Variants in LOC128462377 observed in about 807,000 individuals in gnomAD.
chr16:89,330,220 G>A, the LOC128462377 span, among the ~76,000 whole-genome samples: 1 of 152,066 alleles, frequency 6.6e-6, no homozygotes, highest in Non-Finnish European at 1.5e-5. Flanking sequence ...CTGTGTGTCC[G>A]GTCAGGGGCA....
chr16:89,375,369 G>A, the LOC128462377 span, among the ~76,000 whole-genome samples: 1 of 152,228 alleles, frequency 6.6e-6, no homozygotes, highest in East Asian at 1.9e-4. Flanking sequence ...TAAATGGATC[G>A]TTTGAGCCCG....
chr16:89,361,947 T>G, the LOC128462377 span, among the ~76,000 whole-genome samples: 1 of 152,178 alleles, frequency 6.6e-6, no homozygotes, highest in Non-Finnish European at 1.5e-5. Context: ...TGGCACAGCC[T>G]TGCAACACCC....
At chr16:89,396,868 G>C in the LOC128462377 span, among the ~76,000 whole-genome samples, 1 of 152,098 alleles carries the variant, frequency 6.6e-6, no homozygotes, top group Non-Finnish European at 1.5e-5. Flanking sequence ...TATATTTTTA[G>C]TAAAGACGGG....
the LOC128462377 span, among the ~76,000 whole-genome samples, chr16:89,360,257 G>T: frequency 6.6e-6 from 1 of 152,128 alleles, no homozygotes; most frequent in African/African-American, 2.4e-5. Context: ...TTATGGCTAT[G>T]TTATCTTATC....
chr16:89,349,134 TAAAAAAAAAAA>T, the LOC128462377 span, among the ~76,000 whole-genome samples: 40 of 16,582 alleles, frequency 2.4e-3, no homozygotes, highest in South Asian at 7.1e-3. Flanking sequence ...TCTCAAAAAG[TAAAAAAAAAAA>T]AAAAAAAAAA....
the LOC128462377 span, among the ~76,000 whole-genome samples, chr16:89,406,820 A>T: frequency 6.6e-6 from 1 of 152,228 alleles, no homozygotes; most frequent in African/African-American, 2.4e-5. Flanking sequence ...GGGAGGCAGC[A>T]GAAAGGACAG....
the LOC128462377 span, among the ~76,000 whole-genome samples, chr16:89,360,158 T>C: frequency 6.6e-6 from 1 of 152,222 alleles, no homozygotes; most frequent in Non-Finnish European, 1.5e-5. Context: ...ACATGTAGTA[T>C]TTGGTTTTCT....
At chr16:89,336,685 G>A in the LOC128462377 span, among the ~76,000 whole-genome samples, 1 of 152,202 alleles carries the variant, frequency 6.6e-6, no homozygotes, top group Non-Finnish European at 1.5e-5. Flanking sequence ...CAGGCACTAG[G>A]AGACCCGGCC....
At chr16:89,382,472 C>T in the LOC128462377 span, among the ~76,000 whole-genome samples, 2 of 150,114 alleles carry the variant, frequency 1.3e-5, no homozygotes, top group Non-Finnish European at 3.0e-5. Context: ...ATCACAGGTG[C>T]GTGCCACCAA....
At chr16:89,401,240 G>T in the LOC128462377 span, among the ~76,000 whole-genome samples, 1 of 151,996 alleles carries the variant, frequency 6.6e-6, no homozygotes, top group Non-Finnish European at 1.5e-5. Context: ...CACCACGCCC[G>T]GCTAACATTT....
chr16:89,336,899 G>A, the LOC128462377 span, among the ~76,000 whole-genome samples: 1 of 151,782 alleles, frequency 6.6e-6, no homozygotes, highest in Non-Finnish European at 1.5e-5. Flanking sequence ...GCTGGGTGCG[G>A]TGGCTCATGC....
chr16:89,396,427 G>C, the LOC128462377 span, among the ~76,000 whole-genome samples: 1 of 152,176 alleles, frequency 6.6e-6, no homozygotes, highest in Admixed American at 6.5e-5. Context: ...CCTGCTGCTG[G>C]AAACGCTCAC....
chr16:89,346,400 T>C, the LOC128462377 span, among the ~76,000 whole-genome samples: 1 of 152,144 alleles, frequency 6.6e-6, no homozygotes, highest in Non-Finnish European at 1.5e-5. Flanking sequence ...AAGACCAAGC[T>C]GGAGCTAAAC....
the LOC128462377 span, chr16:89,320,412 C>T: frequency 6.6e-6 from 1 of 152,242 alleles, no homozygotes; most frequent in African/African-American, 2.4e-5. Flanking sequence ...CAGCAGGAAA[C>T]TGAAACACGC....
chr16:89,319,638 C>A, the LOC128462377 span, among the ~76,000 whole-genome samples: 1 of 152,216 alleles, frequency 6.6e-6, no homozygotes, highest in South Asian at 2.1e-4. Context: ...CTCCATGAAC[C>A]ACCACCCTCA....
the LOC128462377 span, among the ~76,000 whole-genome samples, chr16:89,327,069 G>GAATGCAAAGGTTGGA: frequency 2.6e-5 from 1 of 38,962 alleles, no homozygotes; most frequent in Non-Finnish European, 5.6e-5. Context: ...CAGAGGTGGG[G>GAATGCAAAGGTTGGA]AATGCAGAGG....
At chr16:89,347,473 T>C in the LOC128462377 span, among the ~76,000 whole-genome samples, 3 of 151,946 alleles carry the variant, frequency 2.0e-5, no homozygotes, top group East Asian at 3.9e-4. Flanking sequence ...TAGCCGGGCG[T>C]GGTGGCAGGC....
the LOC128462377 span, among the ~76,000 whole-genome samples, chr16:89,335,407 C>G: frequency 3.3e-5 from 5 of 152,340 alleles, no homozygotes; most frequent in African/African-American, 1.2e-4. Context: ...AGCTTGAGGC[C>G]TCTGCATTCA....
At chr16:89,416,621 A>G in the LOC128462377 span, among the ~76,000 whole-genome samples, 1 of 150,200 alleles carries the variant, frequency 6.7e-6, no homozygotes. Context: ...TAATAATTTT[A>G]TTTTTCACAC....
Sources: gnomAD v4.1 joint callset for allele counts (sites outside exome capture counted in the v4.1 genomes callset) on GRCh38, gnomAD v4.1.1 for gene constraint, MANE v1.5 for transcripts.